SOX5: variants seen among roughly 807,000 people sequenced by gnomAD.
SOX5 encodes the protein transcription factor SOX-5.
A neutral mutation model predicts 92.0 loss-of-function variants in SOX5; 9 were observed. That is an observed-to-expected ratio of 0.10 (90% CI 0.06 to 0.17). The LOEUF is 0.17. Ranked by LOEUF, SOX5 falls within the 10% of genes least tolerant of loss-of-function variation. SOX5 has a pLI of 1.00. For missense variants in SOX5, 642 were observed against 944.5 expected, an observed-to-expected ratio of 0.68 and a Z score of 4.20; for synonymous variants, 344 against 336.3, an observed-to-expected ratio of 1.02 and a Z score of -0.25.
At chr12:24,558,788 A>G (rs1004311380) in intron 1 of SOX5, among the ~76,000 whole-genome samples, 14 of 152,122 alleles carry the variant, frequency 9.2e-5, no homozygotes, top group Non-Finnish European at 1.6e-4. Flanking sequence ...CAAAGACCCC[A>G]CTCACATTTG....
upstream of SOX5, among the ~76,000 whole-genome samples, chr12:23,952,639 A>T (rs919367891): frequency 1.4e-4 from 21 of 152,232 alleles, no homozygotes; most frequent in South Asian, 4.1e-4. Context: ...TTGCACAATC[A>T]TCTATGCTGA....
intron 4 of SOX5, among the ~76,000 whole-genome samples, chr12:23,971,943 G>T (rs138257321): frequency 6.6e-6 from 1 of 152,136 alleles, no homozygotes; most frequent in Admixed American, 6.5e-5. Context: ...GGCTCTAAAA[G>T]AAAAATTTAT....
intron 6 of SOX5, among the ~76,000 whole-genome samples, chr12:23,695,488 T>C (rs1014010969): frequency 1.3e-5 from 2 of 152,240 alleles, no homozygotes; most frequent in African/African-American, 4.8e-5. Flanking sequence ...TTTGCTGAGA[T>C]GATTTTATCT....
intron 1 of SOX5, among the ~76,000 whole-genome samples, chr12:24,558,465 T>G (rs1954024047): frequency 1.3e-5 from 2 of 152,294 alleles, no homozygotes; most frequent in African/African-American, 4.8e-5. Flanking sequence ...TAAATAGTCC[T>G]ACAGAAATGT....
rs566981610 is a variant in SOX5, at chr12:23,843,866, G to A, written c.481+2117C>T. On this transcript the variant is annotated intron_variant, in intron 3 of 14. Coordinates refer to ENST00000451604, the MANE Select transcript of SOX5 (RefSeq NM_006940.6). ...GGCATGAGCCACCGTGCCCAGCCTTGGCAGTTATTTCTTTTCAAAGTATAT... is the reference window on the plus strand; with the variant it reads ...GGCATGAGCCACCGTGCCCAGCCTTAGCAGTTATTTCTTTTCAAAGTATAT... Among the ~76,000 whole-genome samples, 12 of 152,058 alleles carry A rather than the reference G, an allele frequency of 7.9e-5. No individual in the cohort carries two copies. In the South Asian group the frequency reaches 1.9e-3, roughly 24 times the overall value.
chr12:24,561,896 C>G (rs1381103354), intron 1 of SOX5, among the ~76,000 whole-genome samples: 1 of 152,204 alleles, frequency 6.6e-6, no homozygotes. Context: ...ACATTGGCCG[C>G]GATGCCCAGC....
chr12:24,069,081 T>C lies in SOX5; in HGVS notation c.-2+144262A>G, dbSNP rs146293050. 5.1e-3 allele frequency among the ~76,000 whole-genome samples: 769 copies of C among 151,926 alleles called. 4 individuals carry two copies. The highest frequency in any genetic ancestry group is 0.012 in the South Asian group (56 of 4,808). ...CATAATCAGAAAATAATATTTTGCATTGTCAAATGAAACTCCAGACTTAGG... is the reference window on the plus strand; with the variant it reads ...CATAATCAGAAAATAATATTTTGCACTGTCAAATGAAACTCCAGACTTAGG... On this transcript the variant is annotated intron_variant, in intron 4 of 4. Coordinates refer to the SOX5 transcript ENST00000446891.
intron 4 of SOX5, among the ~76,000 whole-genome samples, chr12:24,174,682 G>A (rs1027296735): frequency 1.3e-5 from 2 of 152,120 alleles, no homozygotes; most frequent in Non-Finnish European, 2.9e-5. Context: ...TTAGCCAGGT[G>A]TGGTGGCTGG....
chr12:24,284,456 G>A lies in SOX5; in HGVS notation c.-173-7144C>T, dbSNP rs530782029. Among the ~76,000 whole-genome samples, 9 of 136,580 alleles carry A rather than the reference G, an allele frequency of 6.6e-5. No homozygotes were observed. The East Asian group carries it at 7.7e-4, about 12-fold the overall frequency. 89.6% of individuals were successfully genotyped at this position (136,580 alleles called of 152,430 possible). On this transcript the variant is annotated intron_variant, in intron 2 of 4. Transcript: ENST00000446891. ...TTTGTGTGTGTGTGTGTGTGTGTGC[G>A]TGTCTTTCATTTAACTTTTTAAACA... is the stretch of plus-strand genomic sequence containing the variant.
chr12:24,095,286 A>G (rs1369870732), intron 4 of SOX5, among the ~76,000 whole-genome samples: 1 of 152,098 alleles, frequency 6.6e-6, no homozygotes, highest in African/African-American at 2.4e-5. Flanking sequence ...TTATAATTAA[A>G]CAAAATAGAA....
At chr12:24,549,951 G>A (rs1952993709) in intron 1 of SOX5, among the ~76,000 whole-genome samples, 1 of 152,116 alleles carries the variant, frequency 6.6e-6, no homozygotes. Flanking sequence ...ATAGAAGAAA[G>A]GGGAAAATGC....
intron 8 of SOX5, among the ~76,000 whole-genome samples, chr12:23,609,637 TA>T (rs1275830728): frequency 2.0e-5 from 3 of 152,172 alleles, no homozygotes; most frequent in Admixed American, 2.0e-4. Context: ...ATTCATCATT[TA>T]TCCTTTTAAG....
At chr12:24,265,450 G>A (rs1052579792) in intron 3 of SOX5, among the ~76,000 whole-genome samples, 1 of 152,084 alleles carries the variant, frequency 6.6e-6, no homozygotes, top group African/African-American at 2.4e-5. Flanking sequence ...AGGCTGAGGT[G>A]GGAAAATCAC....
At chr12:23,540,099 A>AG (rs1313328082) in intron 13 of SOX5, among the ~76,000 whole-genome samples, 3 of 151,522 alleles carry the variant, frequency 2.0e-5, no homozygotes, top group African/African-American at 7.3e-5. Context: ...CAACAATAAA[A>AG]AAAAAAAAAG....
chr12:24,241,604 T>C (rs1425613144), intron 3 of SOX5, among the ~76,000 whole-genome samples: 1 of 145,604 alleles, frequency 6.9e-6, no homozygotes, highest in African/African-American at 2.5e-5. Flanking sequence ...CATTCCTAGT[T>C]TGCAGCGTTC....
intron 8 of SOX5, among the ~76,000 whole-genome samples, chr12:23,608,469 C>T (rs1044423676): frequency 7.2e-5 from 11 of 152,242 alleles, no homozygotes; most frequent in African/African-American, 2.4e-4. Context: ...TATGTTTTTA[C>T]ATACATGTAT....
intron 2 of SOX5, among the ~76,000 whole-genome samples, chr12:23,853,565 C>T (rs561856767): frequency 6.8e-6 from 1 of 147,894 alleles, no homozygotes; most frequent in African/African-American, 2.5e-5. Flanking sequence ...TTTTTTTACC[C>T]CAAATGCTCC....
At chr12:24,413,724 A>G (rs1363007649) in intron 1 of SOX5, among the ~76,000 whole-genome samples, 2 of 152,210 alleles carry the variant, frequency 1.3e-5, no homozygotes, top group Admixed American at 1.3e-4. Context: ...TGGCCCAGTC[A>G]TCGATATTAT....
chr12:23,677,608 A>G (rs879340231), intron 6 of SOX5, among the ~76,000 whole-genome samples: 2 of 152,176 alleles, frequency 1.3e-5, no homozygotes, highest in South Asian at 2.1e-4. Flanking sequence ...TAAAAATTCA[A>G]ATCAATAGCT....
Sources: allele counts gnomAD v4.1 joint callset (sites outside exome capture counted in the v4.1 genomes callset), GRCh38; gene constraint gnomAD v4.1.1; transcripts MANE v1.5; gene names NCBI Gene and HGNC (gene_info 2026-07-23, HGNC 2026-07-21).